Variants in GCA observed in about 807,000 individuals in gnomAD.
GCA encodes the protein grancalcin, EF-hand calcium-binding protein.
GCA carries 30 observed loss-of-function variants against 32.6 expected under a neutral mutation model. That is an observed-to-expected ratio of 0.92 (90% CI 0.69 to 1.25). The LOEUF is 1.25. Ranked by LOEUF, GCA falls within the 50% of genes most tolerant of loss-of-function variation. GCA has a pLI of 0.00. For synonymous variants in GCA, 102 were observed against 84.6 expected, an observed-to-expected ratio of 1.21 and a Z score of -1.13; for missense variants, 291 against 266.8, an observed-to-expected ratio of 1.09 and a Z score of -0.63.
downstream of GCA, among the ~76,000 whole-genome samples, chr2:162,365,608 T>C (rs1292995493): frequency 1.3e-5 from 2 of 151,690 alleles, no homozygotes; most frequent in East Asian, 3.9e-4. Flanking sequence ...TTGTATCAGA[T>C]GACTGACATT....
At chr2:162,338,421 G>A (rs1684341437) in intron 1 of GCA, among the ~76,000 whole-genome samples, 1 of 152,116 alleles carries the variant, frequency 6.6e-6, no homozygotes, top group Non-Finnish European at 1.5e-5. Context: ...ACACAGAAGC[G>A]AGTTACTAAC....
intron 3 of GCA, among the ~76,000 whole-genome samples, chr2:162,353,156 T>C (rs2105331990): frequency 6.6e-6 from 1 of 152,136 alleles, no homozygotes; most frequent in Middle Eastern, 3.4e-3. Flanking sequence ...AAATGTATAG[T>C]TAAGCAGCTT....
rs1401692268 is a variant in GCA at position 162,331,236 on chromosome 2, C to A, written c.-31+12011C>A. The stretch of plus-strand genomic sequence containing the variant: ...GAAGGCAGAGCACTGCCTTGTTTGA[C>A]CTCAGTTAGGAATCTGTGCATCAGG... On this transcript the variant is annotated intron_variant, in intron 1 of 4. Transcript: ENST00000429691. 2.0e-5 allele frequency among the ~76,000 whole-genome samples: 3 copies of A among 152,282 alleles called. No homozygotes were observed. The South Asian group carries it at 6.2e-4, about 32-fold the overall frequency.
At position 162,361,074 on chromosome 2, in the gene GCA, T is replaced by C. The variant is rs1158216296; in HGVS notation, c.*831T>C. 2 of 945,136 alleles carry C rather than the reference T, an allele frequency of 2.1e-6. No individual in the cohort carries two copies. Among genetic ancestry groups the C allele is most frequent in the Admixed American group, 5.9e-5 (1 of 16,818 alleles). The allele number at this position is 945,136 out of a possible 1,614,324, so 58.5% of individuals were successfully genotyped here. A position where few individuals can be genotyped will look rare whatever the true frequency, so the allele number is the denominator to read the frequency against. On this transcript the variant is annotated 3_prime_UTR_variant, in exon 8 of 8. Coordinates refer to ENST00000437150, the MANE Select transcript of GCA (RefSeq NM_012198.5). ...TAATTAAATTGTTGTTTAAATGTAATGTCAACTCTTTATAAACTTAAAAAT... is the reference window on the plus strand; with the variant it reads ...TAATTAAATTGTTGTTTAAATGTAACGTCAACTCTTTATAAACTTAAAAAT...
chr2:162,319,026 C>G, upstream of GCA: 1 of 397,742 alleles, frequency 2.5e-6, no homozygotes. Flanking sequence ...CAGACCCGGA[C>G]GTGAACAGGG....
At chr2:162,349,374 CT>C (rs1211084602) in intron 2 of GCA, among the ~76,000 whole-genome samples, 53 of 144,862 alleles carry the variant, frequency 3.7e-4, no homozygotes, top group Middle Eastern at 3.6e-3. Flanking sequence ...ATGAGCTTGT[CT>C]TTTTTTTTTT....
chr2:162,361,422 CTTTAAATGTGTAT>C lies in GCA; in HGVS notation c.*1183_*1195del. On this transcript the variant is annotated 3_prime_UTR_variant, in exon 8 of 8. Coordinates refer to ENST00000437150, the MANE Select transcript of GCA (RefSeq NM_012198.5). ...TAATAAACCACTTATTTTTCTTATG[CTTTAAATGTGTAT>C]TTTCTAACCTAACAGTGAGTGACAT... The C allele has an allele frequency of 1.0e-6, 1 of 978,576 alleles. No homozygotes were observed. The highest frequency in any genetic ancestry group is 1.8e-5 in the African/African-American group (1 of 57,138). 60.6% of individuals were successfully genotyped at this position (978,576 alleles called of 1,614,324 possible). A position where few individuals can be genotyped will look rare whatever the true frequency, so the allele number is the denominator to read the frequency against.
At chr2:162,374,708 ATCT>A (rs1686099241), downstream of GCA, among the ~76,000 whole-genome samples, 1 of 152,120 alleles carries the variant, frequency 6.6e-6, no homozygotes, top group South Asian at 2.1e-4. Context: ...ATGAGAAAAT[ATCT>A]TCTTTTTTTT....
chr2:162,358,001 A>T (rs189143489), intron 5 of GCA, among the ~76,000 whole-genome samples: 2 of 151,636 alleles, frequency 1.3e-5, no homozygotes, highest in Admixed American at 1.3e-4. Context: ...TTTGCATATA[A>T]TTACATTAGT....
In GCA at chr2:162,362,582, A is replaced by G. The variant is rs1685623140; in HGVS notation, c.*2339A>G. Reference sequence around the variant, plus strand: ...AAGTGCTTTTATTTATACAGTAAACATGTTTCCATGTCATTTTGAGAATTT... The same window carrying G: ...AAGTGCTTTTATTTATACAGTAAACGTGTTTCCATGTCATTTTGAGAATTT... On this transcript the variant is annotated 3_prime_UTR_variant, in exon 8 of 8. Coordinates refer to ENST00000437150, the MANE Select transcript of GCA (RefSeq NM_012198.5). The G allele has an allele frequency of 3.2e-6, 3 of 938,566 alleles. No homozygotes were observed. The highest frequency in any genetic ancestry group is 9.9e-5 in the South Asian group (2 of 20,280). 58.1% of individuals were successfully genotyped at this position (938,566 alleles called of 1,614,324 possible). A position where few individuals can be genotyped will look rare whatever the true frequency, so the allele number is the denominator to read the frequency against.
At chr2:162,369,206 T>C (rs1444500687) in intron 4 of GCA, among the ~76,000 whole-genome samples, 2 of 152,034 alleles carry the variant, frequency 1.3e-5, no homozygotes, top group African/African-American at 2.4e-5. Flanking sequence ...GGGATGATGG[T>C]ACATTTAGGC....
At chr2:162,356,515 A>T in intron 4 of GCA, 34 bp downstream of exon 4, 1 of 1,299,452 alleles carries the variant, frequency 7.7e-7, no homozygotes, top group Non-Finnish European at 1.1e-6. Flanking sequence ...ATACTAGAAT[A>T]AAGAGTAATT....
intron 1 of GCA, among the ~76,000 whole-genome samples, chr2:162,334,878 A>G (rs1435106418): frequency 6.6e-6 from 1 of 152,160 alleles, no homozygotes; most frequent in Non-Finnish European, 1.5e-5. Context: ...TGAGCTTTCT[A>G]TATGTTACCA....
intron 4 of GCA, among the ~76,000 whole-genome samples, chr2:162,368,511 T>C (rs1041511360): frequency 5.3e-5 from 8 of 151,978 alleles, no homozygotes; most frequent in Admixed American, 3.9e-4. Context: ...ATTTTAGATA[T>C]GCCAATAAGG....
chr2:162,364,715 T>G (rs1164266051), downstream of GCA, among the ~76,000 whole-genome samples: 3 of 151,462 alleles, frequency 2.0e-5, no homozygotes, highest in African/African-American at 7.3e-5. Context: ...TTTTTCCCCT[T>G]AAATAATAGA....
At chr2:162,332,783 C>CA (rs1311822805) in intron 1 of GCA, among the ~76,000 whole-genome samples, 1 of 151,500 alleles carries the variant, frequency 6.6e-6, no homozygotes. Context: ...TACACAGTCA[C>CA]ATTTATTGCA....
In GCA at chr2:162,349,696, A is replaced by G. The variant is rs188265340; in HGVS notation, c.192+1954A>G. On this transcript the variant is annotated intron_variant, in intron 2 of 7. Transcript: ENST00000437150. The stretch of plus-strand genomic sequence containing the variant: ...AAGGAGTTGGGGCAATGTATCAAAG[A>G]GGAGATTTGTAAATTGTGGATGGTT... 5.8e-4 allele frequency among the ~76,000 whole-genome samples: 88 copies of G among 152,282 alleles called. 2 individuals are homozygous for G. Among genetic ancestry groups the G allele is most frequent in the African/African-American group, 2.0e-3 (84 of 41,546 alleles).
chr2:162,320,465 C>T (rs1683623166), intron 1 of GCA, among the ~76,000 whole-genome samples: 1 of 152,158 alleles, frequency 6.6e-6, no homozygotes, highest in African/African-American at 2.4e-5. Flanking sequence ...TTTTTCCTGG[C>T]ACTTATCCTT....
At chr2:162,359,260 C>G (rs1278897041) in intron 6 of GCA, 103 bp downstream of exon 6, 2 of 714,744 alleles carry the variant, frequency 2.8e-6, no homozygotes, top group African/African-American at 3.7e-5. Flanking sequence ...GTGTTTTCTC[C>G]CTTTATTCAC....
Sources: allele counts gnomAD v4.1 joint callset (sites outside exome capture counted in the v4.1 genomes callset), GRCh38; gene constraint gnomAD v4.1.1; transcripts MANE v1.5; gene names NCBI Gene and HGNC (gene_info 2026-07-23, HGNC 2026-07-21).